Variants in TMEM108 observed in about 807,000 individuals in gnomAD.
The protein encoded by TMEM108 is transmembrane protein 108.
In TMEM108, 12 loss-of-function variants were observed where a neutral mutation model predicts 35.1. The observed-to-expected ratio is 0.34, with a 90% CI of 0.22 to 0.55. The LOEUF is 0.55. TMEM108 is among the 20% of genes least tolerant of loss of function. The pLI, the probability that TMEM108 is intolerant of heterozygous loss-of-function variation, is 0.89. For missense variants in TMEM108, 680 were observed against 753.3 expected (o/e 0.90, Z 1.14); for synonymous variants, 287 against 308.6 (o/e 0.93, Z 0.73).
intron 2 of TMEM108, among the ~76,000 whole-genome samples, chr3:133,059,314 A>G (rs1284071741): frequency 6.6e-6 from 1 of 152,028 alleles, no homozygotes; most frequent in Non-Finnish European, 1.5e-5. Context: ...TACCATTCTT[A>G]TATATTTTTT....
chr3:133,345,104 C>A (rs1233034710), intron 3 of TMEM108, among the ~76,000 whole-genome samples: 2 of 151,692 alleles, frequency 1.3e-5, no homozygotes, highest in Admixed American at 6.6e-5. Context: ...GTTTCCAAAG[C>A]CAAACTTGAA....
At position 133,137,895 on chromosome 3, in the gene TMEM108, T is replaced by G. The variant is rs114650267; in HGVS notation, c.-46-91371T>G. Among the ~76,000 whole-genome samples the G allele has an allele frequency of 3.5e-3, 538 of 152,290 alleles. 3 individuals are homozygous for G. Among genetic ancestry groups the G allele is most frequent in the African/African-American group, 0.012 (503 of 41,566 alleles). ...ACAAAGCTTAGGGGAAAACAGCATT[T>G]AATTTACATGGAGTGTTCTGTCGTC... is the stretch of plus-strand genomic sequence containing the variant. On this transcript the variant is annotated intron_variant, in intron 2 of 5. Coordinates refer to ENST00000321871, the MANE Select transcript of TMEM108 (RefSeq NM_023943.4).
intron 3 of TMEM108, among the ~76,000 whole-genome samples, chr3:133,240,535 AG>A (rs1202986217): frequency 2.6e-5 from 4 of 152,264 alleles, no homozygotes; most frequent in African/African-American, 9.6e-5. Context: ...TGAGGGAAGT[AG>A]TGCTCATACT....
At chr3:133,329,296 T>C (rs1455615494) in intron 3 of TMEM108, among the ~76,000 whole-genome samples, 1 of 152,308 alleles carries the variant, frequency 6.6e-6, no homozygotes, top group East Asian at 1.9e-4. Context: ...CCAAGTCGCC[T>C]TCACTAGAAT....
At chr3:133,319,430 G>A (rs1486690469) in intron 3 of TMEM108, among the ~76,000 whole-genome samples, 6 of 152,150 alleles carry the variant, frequency 3.9e-5, no homozygotes, top group Non-Finnish European at 8.8e-5. Flanking sequence ...ACCAACTCAG[G>A]ACATTACGGA....
At chr3:133,286,507 AT>A (rs886309574) in intron 3 of TMEM108, among the ~76,000 whole-genome samples, 110 of 151,810 alleles carry the variant, frequency 7.2e-4, no homozygotes, top group African/African-American at 2.5e-3. Flanking sequence ...CTAATTAAAA[AT>A]TTTTTTTTGT....
At chr3:133,178,191 A>T (rs1318382700) in intron 2 of TMEM108, among the ~76,000 whole-genome samples, 1 of 152,248 alleles carries the variant, frequency 6.6e-6, no homozygotes, top group Non-Finnish European at 1.5e-5. Context: ...AGAACATTCC[A>T]TACTCATGGA....
intron 2 of TMEM108, among the ~76,000 whole-genome samples, chr3:133,116,731 A>G (rs146198006): frequency 6.6e-6 from 1 of 152,214 alleles, no homozygotes; most frequent in Non-Finnish European, 1.5e-5. Context: ...CCAGTGTACC[A>G]GTGCATTCAA....
At chr3:133,207,191 G>A (rs1395369731) in intron 2 of TMEM108, among the ~76,000 whole-genome samples, 6 of 152,176 alleles carry the variant, frequency 3.9e-5, no homozygotes, top group South Asian at 2.1e-4. Flanking sequence ...GGAATGCACC[G>A]TTCCTCAGGA....
At chr3:133,345,192 AAC>A (rs1330145164) in intron 3 of TMEM108, among the ~76,000 whole-genome samples, 3 of 151,840 alleles carry the variant, frequency 2.0e-5, no homozygotes, top group Non-Finnish European at 3.0e-5. Context: ...AGCAATCTGA[AAC>A]AGTTTTGTCA....
chr3:133,378,245 G>A, intron 3 of TMEM108: 3 of 722,328 alleles, frequency 4.2e-6, no homozygotes, highest in Non-Finnish European at 5.1e-6. Flanking sequence ...GAGGACACAG[G>A]CCCATGCCCA....
At chr3:133,277,282 G>T (rs967708060) in intron 3 of TMEM108, among the ~76,000 whole-genome samples, 2 of 152,030 alleles carry the variant, frequency 1.3e-5, no homozygotes, top group African/African-American at 2.4e-5. Context: ...TAGTTTTTAA[G>T]GGTAAAAGAT....
intron 3 of TMEM108, among the ~76,000 whole-genome samples, chr3:133,342,403 C>A (rs1453533418): frequency 6.7e-6 from 1 of 150,278 alleles, no homozygotes; most frequent in African/African-American, 2.4e-5. Flanking sequence ...ATGCTTGAGG[C>A]AGGATGGATA....
At chr3:133,090,752 T>G (rs1943937924) in intron 2 of TMEM108, among the ~76,000 whole-genome samples, 1 of 152,192 alleles carries the variant, frequency 6.6e-6, no homozygotes, top group Admixed American at 6.5e-5. Context: ...GGATATATTT[T>G]TATTTTATAA....
intron 3 of TMEM108, among the ~76,000 whole-genome samples, chr3:133,335,801 AAG>A (rs1158962324): frequency 5.3e-5 from 8 of 152,188 alleles, no homozygotes; most frequent in Non-Finnish European, 1.0e-4. Flanking sequence ...AGAGTCATTG[AAG>A]AGGATAGGAA....
intron 3 of TMEM108, among the ~76,000 whole-genome samples, chr3:133,245,430 G>T (rs1946371938): frequency 6.6e-6 from 1 of 152,186 alleles, no homozygotes; most frequent in African/African-American, 2.4e-5. Context: ...GCTCCCTGCT[G>T]TTCAGATTAC....
chr3:133,118,992 G>A (rs530494313), intron 2 of TMEM108: 1 of 152,266 alleles, frequency 6.6e-6, no homozygotes, highest in East Asian at 1.9e-4. Context: ...TATGCCACAG[G>A]TGGTTGTATC....
At chr3:133,299,868 C>T (rs1170503954) in intron 3 of TMEM108, among the ~76,000 whole-genome samples, 1 of 152,086 alleles carries the variant, frequency 6.6e-6, no homozygotes, top group East Asian at 1.9e-4. Flanking sequence ...ATTACCATAT[C>T]CCATTAGCAC....
At chr3:133,061,634 T>G (rs1263268309) in intron 2 of TMEM108, among the ~76,000 whole-genome samples, 1 of 152,220 alleles carries the variant, frequency 6.6e-6, no homozygotes, top group Non-Finnish European at 1.5e-5. Flanking sequence ...GATTGGACAT[T>G]GCTTTCATAG....
Sources: gnomAD v4.1 joint callset for allele counts (sites outside exome capture counted in the v4.1 genomes callset) on GRCh38, gnomAD v4.1.1 for gene constraint, MANE v1.5 for transcripts, NCBI Gene and HGNC (gene_info 2026-07-23, HGNC 2026-07-21) for gene names.